Variants in FMO5 observed in about 807,000 individuals in gnomAD.
FMO5 encodes flavin-containing monooxygenase 5.
In FMO5, 51 loss-of-function variants were observed where a neutral mutation model predicts 43.6. The ratio of observed to expected loss-of-function variants is 1.17; its 90% CI spans 0.93 to 1.48. The LOEUF (loss-of-function observed/expected upper bound fraction) is 1.48, where lower values mean the gene tolerates loss of function less well. Among genes scored for constraint, FMO5 ranks in the 40% most tolerant of loss-of-function variants. FMO5 has a pLI of 0.00. For synonymous variants in FMO5, 187 were observed against 216.5 expected, an observed-to-expected ratio of 0.86 and a Z score of 1.20; for missense variants, 644 against 643.0, an observed-to-expected ratio of 1.00 and a Z score of -0.02.
At chr1:147,218,620 G>T (rs1381222158) in intron 2 of FMO5, among the ~76,000 whole-genome samples, 1 of 152,142 alleles carries the variant, frequency 6.6e-6, no homozygotes, top group African/African-American at 2.4e-5. Context: ...CTGCTTAATA[G>T]TTTCTCTTGA....
chr1:147,215,841 A>G lies in FMO5; in HGVS notation c.237T>C (p.Tyr79=). 6.2e-7 allele frequency: 1 copy of G among 1,613,810 alleles called. No individual in the cohort carries two copies. Among genetic ancestry groups the G allele is most frequent in the Non-Finnish European group, 8.5e-7 (1 of 1,179,710 alleles). The change falls in exon 3 of 9, where the codon TAT becomes TAC. Residue 79 remains tyrosine, a synonymous_variant. Coordinates refer to ENST00000254090, the MANE Select transcript of FMO5 (RefSeq NM_001461.4). Reference sequence around the variant, plus strand: ...CCTGGGCATTATGCATGAAGTTGGGATAATGATCTGGGATTGGATAGTCAC... The same window carrying G: ...CCTGGGCATTATGCATGAAGTTGGGGTAATGATCTGGGATTGGATAGTCAC... ...CFSDYPIPDH[Y]PNFMHNAQVL...
At chr1:147,204,882 C>T in intron 6 of FMO5, 3 of 1,589,674 alleles carry the variant, frequency 1.9e-6, no homozygotes, top group Non-Finnish European at 2.6e-6. Flanking sequence ...GTTTCGCTCC[C>T]TCCTTGAGCA....
In FMO5 at chr1:147,208,967, G is replaced by C. The variant is rs1553923090; in HGVS notation, c.715C>G (p.Arg239Gly). The C allele has an allele frequency of 1.9e-6, 3 of 1,613,658 alleles. No individual in the cohort carries two copies. The highest frequency in any genetic ancestry group is 3.3e-5 in the Admixed American group (2 of 59,986). Residue 239 changes from arginine (R) to glycine (G), a missense_variant, in exon 6 of 9, where the codon CGA becomes GGA. Physicochemically the swap from Arg to Gly is moderately radical, Grantham distance 125. Transcript: ENST00000254090. ...ATCTTCCATATAAAATGTGTAAGTCGAGAAGAGAACAACACATCAGCAGGA... is the reference window on the plus strand; with the variant it reads ...ATCTTCCATATAAAATGTGTAAGTCCAGAAGAGAACAACACATCAGCAGGA... ...GYPADVLFSSRLTHFIWKICG... is the reference protein window; with the variant it reads ...GYPADVLFSSGLTHFIWKICG...
intron 7 of FMO5, among the ~76,000 whole-genome samples, chr1:147,199,474 C>A (rs1258826947): frequency 2.0e-5 from 3 of 152,078 alleles, no homozygotes; most frequent in Admixed American, 2.0e-4. Flanking sequence ...GGAAGCTGGG[C>A]TTTTTGTACA....
intron 1 of FMO5, 93 bp downstream of exon 1, chr1:147,225,194 C>T (rs1559685477): frequency 6.9e-7 from 1 of 1,450,654 alleles, no homozygotes. Context: ...CGACGGTCCT[C>T]TTCACCAGAG....
At chr1:147,203,466 T>A (rs1659414273) in intron 6 of FMO5, 1 of 832,864 alleles carries the variant, frequency 1.2e-6, no homozygotes. Flanking sequence ...CAGCAGGGAC[T>A]ACAGCCTCAG....
chr1:147,217,210 G>T (rs1325519541), intron 2 of FMO5, among the ~76,000 whole-genome samples: 3 of 150,426 alleles, frequency 2.0e-5, no homozygotes, highest in Non-Finnish European at 2.9e-5. Context: ...TTGCACTCCA[G>T]CCTGGGCAAC....
Position 147,215,776 on chromosome 1 carries a change from A to C in FMO5, c.302T>G (p.Leu101Arg). ...TACCTTAAATCGAATATACTTTAGA[A>C]GGTCAAATTCTTTGGCATACATCCT... is the stretch of plus-strand genomic sequence containing the variant. The part of the protein sequence containing the change: ...YFRMYAKEFD[L>R]LKYIRFKTTV... Residue 101 changes from leucine (L) to arginine (R), a missense_variant, in exon 3 of 9, where the codon CTT becomes CGT. Coordinates refer to ENST00000254090, the MANE Select transcript of FMO5 (RefSeq NM_001461.4). 1 of 1,607,164 alleles carries C rather than the reference A, an allele frequency of 6.2e-7. No homozygotes were observed. The highest frequency in any genetic ancestry group is 8.5e-7 in the Non-Finnish European group (1 of 1,178,110).
At chr1:147,184,754 C>T (rs1174349961), downstream of FMO5, 43 of 1,185,662 alleles carry the variant, frequency 3.6e-5, no homozygotes, top group African/African-American at 3.2e-5. The surrounding 1 kb of genome is among the most constrained non-coding windows in gnomAD (Gnocchi z 4.4). Context: ...ATAACCTAGC[C>T]GAGATAGTGT....
At chr1:147,203,615 T>G in intron 6 of FMO5, 1 of 1,222,946 alleles carries the variant, frequency 8.2e-7, no homozygotes, top group Non-Finnish European at 1.2e-6. Flanking sequence ...CTCAGCAAAC[T>G]TCTTAATAGC....
intron 6 of FMO5, among the ~76,000 whole-genome samples, chr1:147,206,294 T>C (rs1387597553): frequency 1.3e-5 from 2 of 151,878 alleles, no homozygotes; most frequent in Non-Finnish European, 2.9e-5. Flanking sequence ...TGTGGAGAAA[T>C]AGGAACACTT....
At position 147,207,767 on chromosome 1, in the gene FMO5, G is replaced by A. The variant is rs587638618; in HGVS notation, c.830+1085C>T. Among the ~76,000 whole-genome samples, 6 of 152,244 alleles carry A rather than the reference G, an allele frequency of 3.9e-5. No individual in the cohort carries two copies. The East Asian group carries it at 1.2e-3, about 29-fold the overall frequency. ...TTTCCAGTTAATCTGTTGTTTAATA[G>A]TATGTACTTACTGTAAATCCCACCC... On this transcript the variant is annotated intron_variant, in intron 6 of 8. Coordinates refer to ENST00000254090, the MANE Select transcript of FMO5 (RefSeq NM_001461.4).
At chr1:147,196,826 A>G (rs1357436529) in intron 7 of FMO5, among the ~76,000 whole-genome samples, 19 of 151,976 alleles carry the variant, frequency 1.3e-4, no homozygotes, top group Non-Finnish European at 2.6e-4. Context: ...CTTCTCCAAC[A>G]TGCTTTCTGT....
At chr1:147,220,944 C>CAA (rs11287039) in intron 2 of FMO5, among the ~76,000 whole-genome samples, 18,965 of 137,096 alleles carry the variant, frequency 0.14, 1,330 homozygotes, top group South Asian at 0.21. Flanking sequence ...TTTAAGTTTC[C>CAA]AAAAAAAAAA....
chr1:147,198,508 C>G (rs1177019963), intron 7 of FMO5, among the ~76,000 whole-genome samples: 2 of 152,068 alleles, frequency 1.3e-5, no homozygotes, highest in Non-Finnish European at 2.9e-5. Flanking sequence ...GTGGGTACGT[C>G]ATCCAGTGCA....
At chr1:147,221,530 G>A (rs1458946227) in intron 2 of FMO5, among the ~76,000 whole-genome samples, 2 of 152,188 alleles carry the variant, frequency 1.3e-5, no homozygotes, top group East Asian at 3.8e-4. Context: ...GATGTTTGCT[G>A]TATGGAGAGC....
chr1:147,204,150 C>T, intron 6 of FMO5: 2 of 1,077,340 alleles, frequency 1.9e-6, no homozygotes, highest in South Asian at 2.5e-5. Flanking sequence ...AATTCTTCAT[C>T]AGTCTTTATC....
At chr1:147,198,303 T>C (rs1366376284) in intron 7 of FMO5, among the ~76,000 whole-genome samples, 1 of 152,172 alleles carries the variant, frequency 6.6e-6, no homozygotes. Flanking sequence ...TAGGCAGTGG[T>C]CTAGGCTTGC....
At chr1:147,206,996 T>C (rs978991148) in intron 6 of FMO5, among the ~76,000 whole-genome samples, 1 of 151,822 alleles carries the variant, frequency 6.6e-6, no homozygotes, top group African/African-American at 2.4e-5. Flanking sequence ...AATGGTGTGA[T>C]TGATTACCTG....
Sources: gnomAD v4.1 joint callset for allele counts (sites outside exome capture counted in the v4.1 genomes callset) on GRCh38, gnomAD v4.1.1 for gene constraint, Gnocchi (gnomAD v3.1) non-coding constraint, MANE v1.5 for transcripts, NCBI Gene and HGNC (gene_info 2026-07-23, HGNC 2026-07-21) for gene names.